The following JAKMIP2 variants were observed in gnomAD, a reference collection of about 807,000 sequenced individuals.
JAKMIP2 encodes the protein janus kinase and microtubule interacting protein 2, also known as janus kinase and microtubule-interacting protein 2.
JAKMIP2 carries 25 observed loss-of-function variants against 115.0 expected under a neutral mutation model. That is an observed-to-expected ratio of 0.22 (90% CI 0.16 to 0.30). The LOEUF is 0.30. JAKMIP2 is among the 10% of genes least tolerant of loss of function. JAKMIP2 has a pLI of 1.00. For synonymous variants in JAKMIP2, 334 were observed against 343.6 expected (o/e 0.97, Z 0.31); for missense variants, 642 against 957.6 (o/e 0.67, Z 4.35).
intron 1 of JAKMIP2, among the ~76,000 whole-genome samples, chr5:147,750,538 A>G (rs1002766105): frequency 1.5e-4 from 22 of 147,168 alleles, no homozygotes; most frequent in African/African-American, 5.3e-4. Context: ...CCCAAGGAAG[A>G]TATCACTCAT....
In JAKMIP2 at chr5:147,650,611, T is replaced by C. The variant is rs1038912661; in HGVS notation, c.628-64A>G. ...GCTGTAAAGAAATACATTTTTACAA[T>C]GGTGTAGGTTTAACTTCTTTTATCT... On this transcript the variant is annotated intron_variant, in intron 3 of 21. Transcript: ENST00000616793. 3 of 1,265,616 alleles carry C rather than the reference T, an allele frequency of 2.4e-6. No individual in the cohort carries two copies. In the African/African-American group the frequency reaches 4.5e-5, roughly 19 times the overall value. 78.4% of individuals were successfully genotyped at this position (1,265,616 alleles called of 1,614,324 possible).
At chr5:147,666,790 G>A (rs961920727) in intron 2 of JAKMIP2, among the ~76,000 whole-genome samples, 2 of 152,066 alleles carry the variant, frequency 1.3e-5, no homozygotes, top group Non-Finnish European at 2.9e-5. Context: ...TGGGATTGTC[G>A]ATATCATTCT....
chr5:147,618,786 C>T (rs894107462), intron 18 of JAKMIP2, among the ~76,000 whole-genome samples: 1 of 151,984 alleles, frequency 6.6e-6, no homozygotes, highest in Non-Finnish European at 1.5e-5. Context: ...CAAGACAGCT[C>T]TTCATACATT....
intron 2 of JAKMIP2, among the ~76,000 whole-genome samples, chr5:147,670,257 G>A (rs1192839983): frequency 6.6e-6 from 1 of 152,116 alleles, no homozygotes; most frequent in Non-Finnish European, 1.5e-5. Flanking sequence ...ATAGATTTTG[G>A]GAGAAATAAC....
chr5:147,765,198 T>C (rs1051110309), intron 1 of JAKMIP2, among the ~76,000 whole-genome samples: 1 of 152,068 alleles, frequency 6.6e-6, no homozygotes, highest in Admixed American at 6.6e-5. Context: ...AATAATGGTT[T>C]ATCACAATTC....
intron 19 of JAKMIP2, among the ~76,000 whole-genome samples, chr5:147,616,522 A>T (rs1756590975): frequency 6.6e-6 from 1 of 152,250 alleles, no homozygotes; most frequent in African/African-American, 2.4e-5. Context: ...GTCCATCTTA[A>T]AAGTAAACAC....
At chr5:147,777,329 C>T (rs889013335) in intron 1 of JAKMIP2, among the ~76,000 whole-genome samples, 2 of 152,094 alleles carry the variant, frequency 1.3e-5, no homozygotes, top group African/African-American at 2.4e-5. Flanking sequence ...CAGCTTGAAT[C>T]GTCAAGAAAA....
At chr5:147,630,023 G>A (rs1276649041) in intron 14 of JAKMIP2, among the ~76,000 whole-genome samples, 1 of 152,114 alleles carries the variant, frequency 6.6e-6, no homozygotes, top group East Asian at 1.9e-4. Context: ...TAAACAGACT[G>A]TGTATGAAAG....
At chr5:147,628,684 C>G in intron 16 of JAKMIP2, 67 bp downstream of exon 16, 1 of 1,186,972 alleles carries the variant, frequency 8.4e-7, no homozygotes, top group East Asian at 2.3e-5. Flanking sequence ...TCCTTCACAC[C>G]CTAGTCTGCT....
At chr5:147,653,042 CT>C (rs1379665987) in intron 3 of JAKMIP2, among the ~76,000 whole-genome samples, 6 of 152,072 alleles carry the variant, frequency 3.9e-5, no homozygotes, top group African/African-American at 9.7e-5. Flanking sequence ...TGAACTCATT[CT>C]TTTTTTATGG....
intron 18 of JAKMIP2, among the ~76,000 whole-genome samples, chr5:147,618,609 G>C: frequency 6.6e-6 from 1 of 152,082 alleles, no homozygotes; most frequent in African/African-American, 2.4e-5. Context: ...GTGGTGGTGC[G>C]CACCTGTAAT....
chr5:147,717,483 G>A (rs1279922326), intron 1 of JAKMIP2, among the ~76,000 whole-genome samples: 1 of 127,466 alleles, frequency 7.8e-6, no homozygotes, highest in Admixed American at 8.2e-5. Flanking sequence ...CATGAGCATG[G>A]AATGTTCTTC....
intron 1 of JAKMIP2, among the ~76,000 whole-genome samples, chr5:147,768,753 T>C (rs1282556252): frequency 6.6e-6 from 1 of 152,182 alleles, no homozygotes; most frequent in East Asian, 1.9e-4. Flanking sequence ...CAAATATGAT[T>C]TCGCTTAAAT....
At chr5:147,731,863 G>A (rs189206804) in intron 1 of JAKMIP2, among the ~76,000 whole-genome samples, 4 of 152,278 alleles carry the variant, frequency 2.6e-5, no homozygotes, top group South Asian at 2.1e-4. Context: ...GAAACCCGAC[G>A]CAACACATTT....
At chr5:147,606,791 A>T (rs890756552) in intron 20 of JAKMIP2, among the ~76,000 whole-genome samples, 31 of 152,132 alleles carry the variant, frequency 2.0e-4, no homozygotes, top group African/African-American at 6.5e-4. Context: ...CATTTTCATG[A>T]TACTGATTCT....
intron 21 of JAKMIP2, chr5:147,595,369 G>A (rs976502767): frequency 8.9e-6 from 4 of 450,058 alleles, no homozygotes; most frequent in African/African-American, 6.0e-5. Context: ...TGAAAGAGCT[G>A]GAGAGAACTA....
At chr5:147,696,995 A>T (rs1028401582) in intron 1 of JAKMIP2, among the ~76,000 whole-genome samples, 1 of 152,102 alleles carries the variant, frequency 6.6e-6, no homozygotes, top group African/African-American at 2.4e-5. Context: ...AAGTTTGGAA[A>T]ATTTGCAGGC....
chr5:147,767,544 G>T (rs1194874876), intron 1 of JAKMIP2, among the ~76,000 whole-genome samples: 1 of 151,978 alleles, frequency 6.6e-6, no homozygotes, highest in East Asian at 1.9e-4. Flanking sequence ...CAAAGTGAAG[G>T]CAGGCAAATC....
intron 1 of JAKMIP2, among the ~76,000 whole-genome samples, chr5:147,712,337 CCT>C (rs1457831536): frequency 6.6e-6 from 1 of 151,678 alleles, no homozygotes; most frequent in Non-Finnish European, 1.5e-5. Flanking sequence ...AGCAGTTTAC[CCT>C]CTCTAAATCT....
Sources: gnomAD v4.1 joint callset for allele counts (sites outside exome capture counted in the v4.1 genomes callset) on GRCh38, gnomAD v4.1.1 for gene constraint, MANE v1.5 for transcripts, NCBI Gene and HGNC (gene_info 2026-07-23, HGNC 2026-07-21) for gene names.